PTPRD: variants seen among roughly 807,000 people sequenced by gnomAD.
PTPRD encodes receptor-type tyrosine-protein phosphatase delta.
PTPRD carries 34 observed loss-of-function variants against 214.5 expected under a neutral mutation model. The observed-to-expected ratio is 0.16, with a 90% CI of 0.12 to 0.21. The LOEUF (loss-of-function observed/expected upper bound fraction) is 0.21. Ranked by LOEUF, PTPRD falls within the 10% of genes least tolerant of loss-of-function variation. The pLI is 1.00. For synonymous variants in PTPRD, 1,128 were observed against 845.7 expected (o/e 1.33, Z -5.79); for missense variants, 2,545 against 2,398.7 (o/e 1.06, Z -1.27).
At chr9:8,787,576 T>G (rs2096041231) in intron 11 of PTPRD, among the ~76,000 whole-genome samples, 1 of 152,196 alleles carries the variant, frequency 6.6e-6, no homozygotes, top group African/African-American at 2.4e-5. Flanking sequence ...TCCATCTGGA[T>G]CTTTCTCAAT....
intron 7 of PTPRD, among the ~76,000 whole-genome samples, chr9:9,725,835 A>T (rs577523007): frequency 6.6e-6 from 1 of 152,230 alleles, no homozygotes; most frequent in East Asian, 1.9e-4. Flanking sequence ...TCTTCTTTCA[A>T]GATAGCCCTC....
chr9:9,079,089 G>C (rs1006217471), intron 10 of PTPRD, among the ~76,000 whole-genome samples: 2 of 151,906 alleles, frequency 1.3e-5, no homozygotes, highest in African/African-American at 4.8e-5. Context: ...CTAGTTATTT[G>C]AAACTATATA....
intron 3 of PTPRD, among the ~76,000 whole-genome samples, chr9:10,296,793 G>T (rs574379150): frequency 6.6e-6 from 1 of 152,180 alleles, no homozygotes; most frequent in South Asian, 2.1e-4. Flanking sequence ...GGTTTTCACT[G>T]TCATTGCTTC....
At chr9:8,392,943 T>C (rs2090066268) in intron 36 of PTPRD, among the ~76,000 whole-genome samples, 1 of 152,174 alleles carries the variant, frequency 6.6e-6, no homozygotes, top group South Asian at 2.1e-4. Flanking sequence ...CTAAAGTTAA[T>C]CAGCAGTCCA....
intron 3 of PTPRD, among the ~76,000 whole-genome samples, chr9:10,278,016 C>T (rs963935070): frequency 2.6e-5 from 4 of 151,832 alleles, no homozygotes; most frequent in East Asian, 1.9e-4. Flanking sequence ...AAAAATTGGC[C>T]GGGTGTGGTG....
intron 3 of PTPRD, among the ~76,000 whole-genome samples, chr9:10,125,605 C>G (rs1563973752): frequency 6.7e-6 from 1 of 148,188 alleles, no homozygotes; most frequent in Non-Finnish European, 1.5e-5. Flanking sequence ...CAGGCGTGCG[C>G]TACCACGCTC....
At chr9:9,829,120 T>A (rs527425790) in intron 5 of PTPRD, among the ~76,000 whole-genome samples, 1 of 151,912 alleles carries the variant, frequency 6.6e-6, no homozygotes, top group African/African-American at 2.4e-5. Context: ...TTGCTATTTA[T>A]ATTTATAAGG....
intron 10 of PTPRD, among the ~76,000 whole-genome samples, chr9:9,142,912 CA>C (rs2099862698): frequency 6.6e-6 from 1 of 152,070 alleles, no homozygotes; most frequent in Non-Finnish European, 1.5e-5. Context: ...CTGTTGAGTT[CA>C]ACCCCTAGGG....
chr9:10,151,772 G>T (rs2099062849), intron 3 of PTPRD, among the ~76,000 whole-genome samples: 1 of 152,024 alleles, frequency 6.6e-6, no homozygotes, highest in Non-Finnish European at 1.5e-5. Context: ...TCACCTCTAA[G>T]CCCAGGAAAC....
At chr9:9,833,538 G>T (rs1018655884) in intron 5 of PTPRD, among the ~76,000 whole-genome samples, 4 of 151,250 alleles carry the variant, frequency 2.6e-5, no homozygotes, top group Admixed American at 6.6e-5. Context: ...ATCTTATCAG[G>T]AGACAGGGTT....
chr9:8,676,500 A>C (rs796785964), intron 12 of PTPRD, among the ~76,000 whole-genome samples: 2 of 149,216 alleles, frequency 1.3e-5, no homozygotes, highest in Admixed American at 1.4e-4. Context: ...CTCATGCCCC[A>C]GCCTCCTGAG....
In PTPRD at chr9:9,108,544, G is replaced by A. The variant is rs80147353; in HGVS notation, c.-143+74760C>T. ...GACTCTCCTCTATGTAGTGACTCACGGATCCAGGCTGCTTTTATCTTGGGC... is the reference window on the plus strand; with the variant it reads ...GACTCTCCTCTATGTAGTGACTCACAGATCCAGGCTGCTTTTATCTTGGGC... On this transcript the variant is annotated intron_variant, in intron 10 of 45. Transcript: ENST00000381196. Among the ~76,000 whole-genome samples the A allele has an allele frequency of 7.0e-4, 107 of 152,228 alleles. 1 individual carries two copies. The East Asian group carries it at 0.02, about 28-fold the overall frequency.
chr9:9,971,586 A>T (rs2095105695), intron 4 of PTPRD, among the ~76,000 whole-genome samples: 1 of 152,142 alleles, frequency 6.6e-6, no homozygotes, highest in East Asian at 1.9e-4. Flanking sequence ...CAATTAATTT[A>T]TGTTGGATTC....
rs549881959 is a variant in PTPRD at position 9,657,025 on chromosome 9, A to G, written c.-287+77508T>C. On this transcript the variant is annotated intron_variant, in intron 7 of 45. Transcript: ENST00000381196. ...TTTAGCATCATGTTTGATGTGTAGTATGCACTCAATAAATAACAACCACTT... is the reference window on the plus strand; with the variant it reads ...TTTAGCATCATGTTTGATGTGTAGTGTGCACTCAATAAATAACAACCACTT... Among the ~76,000 whole-genome samples, 30 of 152,260 alleles carry G rather than the reference A, an allele frequency of 2.0e-4. 1 individual carries two copies. Among genetic ancestry groups the G allele is most frequent in the Admixed American group, 5.2e-4 (8 of 15,294 alleles).
At chr9:10,399,192 C>A (rs555270277) in intron 2 of PTPRD, among the ~76,000 whole-genome samples, 26 of 151,994 alleles carry the variant, frequency 1.7e-4, no homozygotes, top group East Asian at 1.4e-3. Context: ...CTGAAAGATT[C>A]CTAGATTTGT....
chr9:10,207,889 TA>T (rs1205442090), intron 3 of PTPRD, among the ~76,000 whole-genome samples: 1 of 152,142 alleles, frequency 6.6e-6, no homozygotes, highest in African/African-American at 2.4e-5. Flanking sequence ...AACTAATTTT[TA>T]AAAAGGAAAA....
chr9:10,499,435 T>G (rs2043019819), intron 2 of PTPRD, among the ~76,000 whole-genome samples: 1 of 151,940 alleles, frequency 6.6e-6, no homozygotes, highest in Non-Finnish European at 1.5e-5. Flanking sequence ...CCAAAACATC[T>G]TAAAATCTCT....
At chr9:10,418,627 AG>A (rs1251923329) in intron 2 of PTPRD, among the ~76,000 whole-genome samples, 1 of 151,826 alleles carries the variant, frequency 6.6e-6, no homozygotes, top group African/African-American at 2.4e-5. Context: ...CTTCCACCCT[AG>A]AATATTCAGC....
At chr9:9,205,846 T>C (rs1009455448) in intron 9 of PTPRD, among the ~76,000 whole-genome samples, 1 of 152,138 alleles carries the variant, frequency 6.6e-6, no homozygotes, top group Non-Finnish European at 1.5e-5. Flanking sequence ...CATCCCCTCA[T>C]GGTTAGTCTC....
Sources: gnomAD v4.1 joint callset for allele counts (sites outside exome capture counted in the v4.1 genomes callset) on GRCh38, gnomAD v4.1.1 for gene constraint, MANE v1.5 for transcripts, NCBI Gene and HGNC (gene_info 2026-07-23, HGNC 2026-07-21) for gene names.